LRCH2: variants seen among roughly 807,000 people sequenced by gnomAD.
LRCH2 encodes the protein leucine rich repeats and calponin homology domain containing 2, also known as leucine-rich repeat and calponin homology domain-containing protein 2.
Under a neutral mutation model 68.9 loss-of-function variants are expected in LRCH2, and 38 were observed. The observed-to-expected ratio is 0.55, with a 90% CI of 0.43 to 0.72. The LOEUF (loss-of-function observed/expected upper bound fraction) is 0.72, where lower values mean the gene tolerates loss of function less well. Ranked by LOEUF, LRCH2 falls within the 30% of genes least tolerant of loss-of-function variation. LRCH2 has a pLI of 0.00. For missense variants in LRCH2, 528 were observed against 572.9 expected (o/e 0.92, Z 0.80); for synonymous variants, 191 against 208.1 (o/e 0.92, Z 0.71).
chrX:115,124,569 GT>G (rs1480743332), intron 16 of LRCH2, among the ~76,000 whole-genome samples: 1 of 112,209 alleles, frequency 8.9e-6, no homozygotes, highest in Non-Finnish European at 1.9e-5. Flanking sequence ...CTTAGGCTAT[GT>G]TTTGAGCACA....
At chrX:115,222,157 A>G (rs1183368029) in intron 1 of LRCH2, among the ~76,000 whole-genome samples, 1 of 111,522 alleles carries the variant, frequency 9.0e-6, no homozygotes, top group Non-Finnish European at 1.9e-5. Context: ...CAAAAACCAT[A>G]TGATTAACTC....
At chrX:115,127,725 AAAAG>A (rs1391199161) in intron 15 of LRCH2, among the ~76,000 whole-genome samples, 1 of 111,529 alleles carries the variant, frequency 9.0e-6, no homozygotes, top group Non-Finnish European at 1.9e-5. Context: ...GTCTACCAGA[AAAAG>A]AAAGAAGGGA....
intron 14 of LRCH2, among the ~76,000 whole-genome samples, chrX:115,149,326 T>A (rs782131246): frequency 9.0e-6 from 1 of 111,651 alleles, no homozygotes; most frequent in African/African-American, 3.2e-5. Flanking sequence ...TGGGATAATT[T>A]GGATGATCTG....
rs140555049 is a variant in LRCH2 at position 115,176,335 on chromosome X, T to G, written c.864+3092A>C. 2.7e-5 allele frequency among the ~76,000 whole-genome samples: 3 copies of G among 111,423 alleles called. No homozygotes were observed. In the East Asian group the frequency reaches 8.5e-4, roughly 32 times the overall value. ...TCCATATCCTTGCCAGCACTGGTTA[T>G]CTTTTCTTTTTGATAACAGGCATCC... is the stretch of plus-strand genomic sequence containing the variant. On this transcript the variant is annotated intron_variant, in intron 5 of 20. Transcript: ENST00000317135.
chrX:115,205,241 C>A (rs1216739440), intron 1 of LRCH2, among the ~76,000 whole-genome samples: 1 of 111,989 alleles, frequency 8.9e-6, no homozygotes, highest in Non-Finnish European at 1.9e-5. Flanking sequence ...CCTCCCCTGA[C>A]ACATAGTGGT....
At chrX:115,191,152 G>C (rs1233165705) in intron 1 of LRCH2, 1 of 1,166,704 alleles carries the variant, frequency 8.6e-7, no homozygotes. Flanking sequence ...CTCTGCCGAC[G>C]CCTACAGTGG....
chrX:115,200,740 G>A (rs1335312771), intron 1 of LRCH2, among the ~76,000 whole-genome samples: 2 of 110,298 alleles, frequency 1.8e-5, no homozygotes, highest in African/African-American at 3.3e-5. Flanking sequence ...AAGGAATACC[G>A]CTCCTCCTGA....
chrX:115,205,757 T>C (rs2072961787), intron 1 of LRCH2, among the ~76,000 whole-genome samples: 1 of 110,930 alleles, frequency 9.0e-6, no homozygotes, highest in Non-Finnish European at 1.9e-5. Flanking sequence ...GCCAACATGG[T>C]GAAACCCTGT....
intron 5 of LRCH2, among the ~76,000 whole-genome samples, chrX:115,179,042 C>T (rs1267547753): frequency 8.9e-6 from 1 of 111,763 alleles, no homozygotes; most frequent in Non-Finnish European, 1.9e-5. Context: ...TAATATTTTC[C>T]ACTTGTATTT....
chrX:115,114,030 C>T (rs1283842627), intron 20 of LRCH2, among the ~76,000 whole-genome samples: 3 of 111,040 alleles, frequency 2.7e-5, no homozygotes, highest in Non-Finnish European at 5.7e-5. Context: ...TTATTTCCTC[C>T]CAAGATCTCT....
intron 16 of LRCH2, 30 bp from the exon 17 acceptor site, chrX:115,124,032 A>G: frequency 1.2e-6 from 1 of 835,599 alleles, no homozygotes; most frequent in Non-Finnish European, 1.6e-6. Flanking sequence ...TTAAAAATAA[A>G]TAAATAATAA....
At chrX:115,175,595 C>T (rs1239731214) in intron 5 of LRCH2, among the ~76,000 whole-genome samples, 2 of 112,069 alleles carry the variant, frequency 1.8e-5, no homozygotes, top group Non-Finnish European at 3.8e-5. Context: ...AGCTAACTTT[C>T]TCTATATCCT....
intron 1 of LRCH2, among the ~76,000 whole-genome samples, chrX:115,232,612 G>A (rs1287307504): frequency 9.0e-6 from 1 of 111,527 alleles, no homozygotes; most frequent in East Asian, 2.8e-4. Flanking sequence ...AAATTGTCTT[G>A]TTTTGAAAAT....
chrX:115,178,584 A>C (rs1556551591), intron 5 of LRCH2, among the ~76,000 whole-genome samples: 1 of 112,037 alleles, frequency 8.9e-6, no homozygotes, highest in East Asian at 2.8e-4. Flanking sequence ...CTGTAAATCA[A>C]CTTGAATCTG....
At chrX:115,188,605 C>T (rs1324646563) in intron 1 of LRCH2, among the ~76,000 whole-genome samples, 1 of 112,067 alleles carries the variant, frequency 8.9e-6, no homozygotes, top group Non-Finnish European at 1.9e-5. Flanking sequence ...CCAAAGCAGG[C>T]AGATCTTTTG....
intron 1 of LRCH2, among the ~76,000 whole-genome samples, chrX:115,221,509 C>A (rs1408090911): frequency 1.8e-5 from 2 of 109,762 alleles, no homozygotes; most frequent in Non-Finnish European, 3.8e-5. Context: ...AAGAAGCAGG[C>A]TTAATTGAAC....
chrX:115,147,447 T>C (rs959201765), intron 14 of LRCH2, among the ~76,000 whole-genome samples: 1 of 111,631 alleles, frequency 9.0e-6, no homozygotes, highest in African/African-American at 3.3e-5. Flanking sequence ...ACTACACATC[T>C]CCTTAAAACA....
intron 1 of LRCH2, among the ~76,000 whole-genome samples, chrX:115,219,053 C>G (rs953244751): frequency 1.8e-5 from 2 of 111,839 alleles, no homozygotes; most frequent in African/African-American, 6.5e-5. Context: ...TACCTTTCTA[C>G]TGCATGAGAA....
intron 12 of LRCH2, among the ~76,000 whole-genome samples, chrX:115,151,959 A>C (rs1339693955): frequency 9.0e-6 from 1 of 111,423 alleles, no homozygotes; most frequent in Non-Finnish European, 1.9e-5. Flanking sequence ...AGGGCAATGC[A>C]CAGAGAAAGG....
Sources: allele counts gnomAD v4.1 joint callset (sites outside exome capture counted in the v4.1 genomes callset), GRCh38; gene constraint gnomAD v4.1.1; transcripts MANE v1.5; gene names NCBI Gene and HGNC (gene_info 2026-07-23, HGNC 2026-07-21).